PRKG1: variants seen among roughly 807,000 people sequenced by gnomAD.
PRKG1 encodes cGMP-dependent protein kinase 1.
PRKG1 carries 35 observed loss-of-function variants against 88.1 expected under a neutral mutation model. That is an observed-to-expected ratio of 0.40 (90% CI 0.30 to 0.53). PRKG1 has a LOEUF of 0.53. PRKG1 is among the 20% of genes least tolerant of loss of function. The pLI is 0.59. For synonymous variants in PRKG1, 303 were observed against 292.5 expected (o/e 1.04, Z -0.37); for missense variants, 540 against 839.8 (o/e 0.64, Z 4.41).
chr10:51,960,553 A>AG (rs966907484), intron 5 of PRKG1, among the ~76,000 whole-genome samples: 1 of 149,558 alleles, frequency 6.7e-6, no homozygotes, highest in African/African-American at 2.5e-5. Flanking sequence ...CTGTTCATGT[A>AG]GTGTCACATT....
intron 6 of PRKG1, 66 bp from the exon 7 acceptor site, chr10:52,062,471 A>T: frequency 1.0e-6 from 1 of 956,724 alleles, no homozygotes; most frequent in South Asian, 2.4e-5. Context: ...TAACTTCATT[A>T]ATTAGTGTTC....
chr10:52,024,493 C>T (rs189447462), intron 5 of PRKG1, among the ~76,000 whole-genome samples: 349 of 152,074 alleles, frequency 2.3e-3, no homozygotes, highest in African/African-American at 7.0e-3. Context: ...CCCCACCCCA[C>T]GACAGGCCCC....
At chr10:51,016,482 C>T (rs1173645863) in intron 1 of PRKG1, among the ~76,000 whole-genome samples, 1 of 151,916 alleles carries the variant, frequency 6.6e-6, no homozygotes, top group Non-Finnish European at 1.5e-5. Flanking sequence ...ATGGAAAATG[C>T]TATTTTCCTT....
intron 4 of PRKG1, among the ~76,000 whole-genome samples, chr10:51,862,303 C>A (rs1206698930): frequency 6.6e-6 from 1 of 152,170 alleles, no homozygotes; most frequent in East Asian, 1.9e-4. Context: ...TGGTGCCCAG[C>A]AGCTTTTTCT....
intron 3 of PRKG1, among the ~76,000 whole-genome samples, chr10:51,587,556 CT>C (rs1332915107): frequency 6.6e-6 from 1 of 152,166 alleles, no homozygotes; most frequent in African/African-American, 2.4e-5. Context: ...ACATTAATAT[CT>C]AAAAATTAAG....
chr10:51,517,246 A>T (rs1841614206), intron 3 of PRKG1, among the ~76,000 whole-genome samples: 1 of 152,214 alleles, frequency 6.6e-6, no homozygotes, highest in African/African-American at 2.4e-5. Context: ...TGGTAGGACA[A>T]ATGGGTTTGA....
intron 10 of PRKG1, among the ~76,000 whole-genome samples, chr10:52,269,039 T>C (rs1006750706): frequency 6.6e-6 from 1 of 151,854 alleles, no homozygotes; most frequent in Non-Finnish European, 1.5e-5. Flanking sequence ...GCTGAATTCT[T>C]TCCTCCTACC....
chr10:50,991,690 C>A lies in PRKG1; in HGVS notation c.266+46C>A. On this transcript the variant is annotated intron_variant, in intron 1 of 17. Coordinates refer to the PRKG1 transcript ENST00000401604. The surrounding 1 kb of genome is among the most constrained non-coding windows in gnomAD (Gnocchi z 4.5). ...CCCGGGCGCTCGTCCCGGCCCGCGG[C>A]GCAGAGGCTGGGGGCTCTGGCCGCG... is the stretch of plus-strand genomic sequence containing the variant. 7.3e-7 allele frequency: 1 copy of A among 1,361,290 alleles called. No homozygotes were observed. The highest frequency in any genetic ancestry group is 3.2e-5 in the Admixed American group (1 of 31,162). The allele number at this position is 1,361,290 out of a possible 1,614,324, so 84.3% of individuals were successfully genotyped here. A position where few individuals can be genotyped will look rare whatever the true frequency, so the allele number is the denominator to read the frequency against.
chr10:51,370,420 T>C (rs1184006151), intron 2 of PRKG1, among the ~76,000 whole-genome samples: 9 of 151,390 alleles, frequency 5.9e-5, no homozygotes, highest in Non-Finnish European at 1.3e-4. Context: ...AGGCTGGAGG[T>C]TGAAAATAAT....
chr10:51,628,404 C>T (rs1356293080), intron 3 of PRKG1, among the ~76,000 whole-genome samples: 2 of 151,444 alleles, frequency 1.3e-5, no homozygotes, highest in East Asian at 2.0e-4. Flanking sequence ...GTCAAGAATT[C>T]CACCCGCCTC....
At chr10:51,195,596 C>T (rs557505883) in intron 2 of PRKG1, among the ~76,000 whole-genome samples, 6 of 152,144 alleles carry the variant, frequency 3.9e-5, no homozygotes, top group African/African-American at 9.6e-5. Context: ...GTTCTCTGAA[C>T]GATAAGTTAG....
intron 3 of PRKG1, among the ~76,000 whole-genome samples, chr10:51,785,552 C>T (rs555479665): frequency 4.6e-5 from 7 of 152,104 alleles, no homozygotes; most frequent in Non-Finnish European, 7.4e-5. Flanking sequence ...TATTGATTGA[C>T]GTTGAAGATT....
chr10:51,467,870 A>G, intron 3 of PRKG1, 34 bp downstream of exon 3: 2 of 1,530,132 alleles, frequency 1.3e-6, no homozygotes, highest in African/African-American at 1.4e-5. Flanking sequence ...AAATATTTTC[A>G]ATGTCTTTTC....
intron 1 of PRKG1, among the ~76,000 whole-genome samples, chr10:51,055,551 G>A (rs755590075): frequency 6.6e-6 from 1 of 151,568 alleles, no homozygotes; most frequent in Non-Finnish European, 1.5e-5. Flanking sequence ...GGTGAACACG[G>A]TGAAACCCAG....
intron 1 of PRKG1, among the ~76,000 whole-genome samples, chr10:51,104,033 T>G (rs909495706): frequency 2.0e-5 from 3 of 152,156 alleles, no homozygotes; most frequent in African/African-American, 7.2e-5. Context: ...TTCATAGAAC[T>G]GGGAGGAAGA....
chr10:51,705,875 G>T (rs1213324780), intron 3 of PRKG1, among the ~76,000 whole-genome samples: 1 of 152,168 alleles, frequency 6.6e-6, no homozygotes, highest in Non-Finnish European at 1.5e-5. Flanking sequence ...TAGCTACTAA[G>T]TGGCATAACG....
intron 3 of PRKG1, among the ~76,000 whole-genome samples, chr10:51,562,215 C>T (rs1182491007): frequency 1.5e-5 from 1 of 67,074 alleles, no homozygotes; most frequent in Non-Finnish European, 3.1e-5. Flanking sequence ...CAGACCTAGA[C>T]TCCATCTCAA....
intron 3 of PRKG1, among the ~76,000 whole-genome samples, chr10:51,795,590 G>A (rs997852418): frequency 6.6e-6 from 1 of 152,064 alleles, no homozygotes; most frequent in African/African-American, 2.4e-5. Flanking sequence ...TTGGGAAGCA[G>A]TTATGCGCTT....
rs529970502 is a variant in PRKG1, at chr10:51,544,005, T to A, written c.592+76169T>A. On this transcript the variant is annotated intron_variant, in intron 3 of 17. Transcript: ENST00000373980. Reference sequence around the variant, plus strand: ...TGACAATCTAGCCACATGTTCTTCATGTCACACAATGGAAACATCTGTAAA... The same window carrying A: ...TGACAATCTAGCCACATGTTCTTCAAGTCACACAATGGAAACATCTGTAAA... Among the ~76,000 whole-genome samples, 4 of 152,306 alleles carry A rather than the reference T, an allele frequency of 2.6e-5. No individual in the cohort carries two copies. In the East Asian group the frequency reaches 7.7e-4, roughly 29 times the overall value.
Sources: allele counts gnomAD v4.1 joint callset (sites outside exome capture counted in the v4.1 genomes callset), GRCh38; gene constraint gnomAD v4.1.1; non-coding constraint Gnocchi (gnomAD v3.1); transcripts MANE v1.5; gene names NCBI Gene and HGNC (gene_info 2026-07-23, HGNC 2026-07-21).